NDUFAF6: variants seen among roughly 807,000 people sequenced by gnomAD.
The protein encoded by NDUFAF6 is NADH dehydrogenase (ubiquinone) complex I, assembly factor 6.
Under a neutral mutation model 40.8 loss-of-function variants are expected in NDUFAF6, and 45 were observed. The observed-to-expected ratio is 1.10, with a 90% CI of 0.87 to 1.42. The LOEUF (loss-of-function observed/expected upper bound fraction) is 1.42, where lower values mean the gene tolerates loss of function less well. Among genes scored for constraint, NDUFAF6 ranks in the 40% most tolerant of loss-of-function variants. The pLI, the probability that NDUFAF6 is intolerant of heterozygous loss-of-function variation, is 0.00. For missense variants in NDUFAF6, 435 were observed against 418.5 expected, an observed-to-expected ratio of 1.04 and a Z score of -0.34; for synonymous variants, 185 against 155.9, an observed-to-expected ratio of 1.19 and a Z score of -1.39.
downstream of NDUFAF6, among the ~76,000 whole-genome samples, chr8:95,079,828 C>A (rs1369680908): frequency 2.0e-5 from 3 of 151,698 alleles, no homozygotes; most frequent in Admixed American, 2.0e-4. Flanking sequence ...GATCCTCCCA[C>A]CTCAGCTTTC....
At position 95,047,126 on chromosome 8, in the gene NDUFAF6, T is replaced by C. The variant is rs764875527; in HGVS notation, c.713T>C (p.Leu238Pro). The change falls in exon 6 of 9, where the codon CTG (leucine) becomes CCG (proline). Residue 238 changes from leucine (L) to proline (P), a missense_variant and splice_region_variant. Transcript: ENST00000396124. Reference sequence around the variant, plus strand: ...TTCCTTCCCATGGATATTTGTATGCTGGTAAGGCTGTAATTTGTACCTTTG... The same window carrying C: ...TTCCTTCCCATGGATATTTGTATGCCGGTAAGGCTGTAATTTGTACCTTTG... ...KVFLPMDICM[L>P]HGVSQEDFLR... 6.2e-7 allele frequency: 1 copy of C among 1,614,204 alleles called. No homozygotes were observed. The highest frequency in any genetic ancestry group is 1.7e-5 in the Admixed American group (1 of 60,034).
intron 1 of NDUFAF6, among the ~76,000 whole-genome samples, chr8:94,977,629 A>G (rs1825081038): frequency 6.6e-6 from 1 of 151,046 alleles, no homozygotes; most frequent in Non-Finnish European, 1.5e-5. Context: ...TCCTTGTGCC[A>G]GATGTTTTGC....
At chr8:95,048,100 G>A (rs1831016650) in intron 6 of NDUFAF6, among the ~76,000 whole-genome samples, 2 of 152,038 alleles carry the variant, frequency 1.3e-5, no homozygotes, top group Non-Finnish European at 2.9e-5. Context: ...AGGCCAAGGT[G>A]GGAGGATCCC....
At chr8:94,942,669 G>GT (rs1821658587) in intron 1 of NDUFAF6, among the ~76,000 whole-genome samples, 2 of 152,234 alleles carry the variant, frequency 1.3e-5, no homozygotes, top group Admixed American at 6.5e-5. Flanking sequence ...CCTCCCACAA[G>GT]TTTAACAATC....
At chr8:95,024,927 C>G (rs955730132), upstream of NDUFAF6, 3 of 1,178,514 alleles carry the variant, frequency 2.5e-6, no homozygotes, top group East Asian at 3.2e-5. Context: ...CTCAAAGGAG[C>G]ATAGGGGAAC....
intron 1 of NDUFAF6, chr8:94,940,956 T>G: frequency 6.3e-7 from 1 of 1,598,148 alleles, no homozygotes. Context: ...AAGGCAAGAC[T>G]GAGAGTTTGG....
At chr8:95,076,676 C>T (rs1336765735), downstream of NDUFAF6, among the ~76,000 whole-genome samples, 6 of 152,106 alleles carry the variant, frequency 3.9e-5, no homozygotes, top group African/African-American at 1.2e-4. Context: ...GAGTTCGAGA[C>T]CAGACTGACC....
chr8:94,993,557 G>A (rs1053936034), intron 2 of NDUFAF6, among the ~76,000 whole-genome samples: 2 of 152,174 alleles, frequency 1.3e-5, no homozygotes, highest in Admixed American at 1.3e-4. Flanking sequence ...CACCATATAG[G>A]GATGGATGTT....
chr8:95,095,665 C>CT (rs11352275), upstream of NDUFAF6, among the ~76,000 whole-genome samples: 333 of 146,866 alleles, frequency 2.3e-3, 3 homozygotes, highest in African/African-American at 7.4e-3. Flanking sequence ...GATCATTTCG[C>CT]TTTTTTTTTT....
At chr8:95,086,947 C>G (rs1310919619) in intron 2 of NDUFAF6, among the ~76,000 whole-genome samples, 1 of 152,134 alleles carries the variant, frequency 6.6e-6, no homozygotes, top group Non-Finnish European at 1.5e-5. Context: ...ATCAGGTCAA[C>G]ACATCCTAGA....
intron 1 of NDUFAF6, among the ~76,000 whole-genome samples, chr8:94,940,393 A>T (rs2904893): frequency 6.6e-6 from 1 of 151,916 alleles, no homozygotes; most frequent in African/African-American, 2.4e-5. Context: ...AGTTCAGAAA[A>T]CCATTTATAT....
intron 1 of NDUFAF6, among the ~76,000 whole-genome samples, chr8:94,961,560 T>C (rs1344329209): frequency 6.6e-6 from 1 of 152,218 alleles, no homozygotes; most frequent in African/African-American, 2.4e-5. Context: ...TAGCTAGGAC[T>C]ACAGGCGCGT....
At position 95,057,921 on chromosome 8, in the gene NDUFAF6, G is replaced by A; in HGVS notation, c.986G>A (p.Trp329Ter). 1.3e-6 allele frequency: 2 copies of A among 1,539,006 alleles called. No individual in the cohort carries two copies. The highest frequency in any genetic ancestry group is 9.0e-7 in the Non-Finnish European group (1 of 1,112,642). Residue 329 changes from tryptophan (W) to a stop codon, truncating the protein, a stop_gained, in exon 9 of 9, where the codon TGG (tryptophan) becomes TAG (stop). Coordinates refer to ENST00000396124, the MANE Select transcript of NDUFAF6 (RefSeq NM_152416.4). LOFTEE classifies it high-confidence loss of function. ...CCATTATATTTGTATATTCAGTCAT[G>A]GAGAAAAACATATTAAAATAATTTC... The part of the protein sequence containing the change: ...LLPLYLYIQS[W>*]RKTY
intron 2 of NDUFAF6, among the ~76,000 whole-genome samples, chr8:95,093,193 C>T (rs1465479459): frequency 6.6e-6 from 1 of 152,080 alleles, no homozygotes; most frequent in Admixed American, 6.6e-5. Flanking sequence ...GCATTCTGAC[C>T]CACCACTCAT....
chr8:95,035,242 CTT>C lies in NDUFAF6; in HGVS notation c.298-211_298-210del, dbSNP rs145356418. ...CTAATAATCTTCTTTTTAAAAATTACTTAAAGAATGAATGAATGAATTTATTT... is the reference window on the plus strand; with the variant it reads ...CTAATAATCTTCTTTTTAAAAATTACAAAGAATGAATGAATGAATTTATTT... On this transcript the variant is annotated intron_variant, in intron 2 of 8. Transcript: ENST00000396124. Among the ~76,000 whole-genome samples the C allele has an allele frequency of 0.12, 18,589 of 152,078 alleles. 1,203 individuals are homozygous for C. Among genetic ancestry groups the C allele is most frequent in the Middle Eastern group, 0.23 (68 of 294 alleles).
chr8:94,980,326 C>T (rs1158454677), intron 1 of NDUFAF6, among the ~76,000 whole-genome samples: 3 of 150,918 alleles, frequency 2.0e-5, no homozygotes, highest in African/African-American at 7.3e-5. Flanking sequence ...TCATAAGAAA[C>T]AGTTTGTGGG....
At chr8:95,096,636 T>G (rs1809472834), upstream of NDUFAF6, among the ~76,000 whole-genome samples, 1 of 152,248 alleles carries the variant, frequency 6.6e-6, no homozygotes, top group African/African-American at 2.4e-5. Flanking sequence ...TAGAGGAGAC[T>G]GAATTCATTC....
upstream of NDUFAF6, among the ~76,000 whole-genome samples, chr8:95,098,268 C>G (rs1322835098): frequency 6.6e-6 from 1 of 152,222 alleles, no homozygotes; most frequent in Non-Finnish European, 1.5e-5. Flanking sequence ...GCTGGTGGCT[C>G]ACGCCTGTAA....
At chr8:94,966,250 C>A (rs915972114) in intron 1 of NDUFAF6, among the ~76,000 whole-genome samples, 1 of 152,112 alleles carries the variant, frequency 6.6e-6, no homozygotes, top group African/African-American at 2.4e-5. Flanking sequence ...CTGGGGACTT[C>A]ACATGTAAGG....
Sources: gnomAD v4.1 joint callset for allele counts (sites outside exome capture counted in the v4.1 genomes callset) on GRCh38, gnomAD v4.1.1 for gene constraint, MANE v1.5 for transcripts, NCBI Gene and HGNC (gene_info 2026-07-23, HGNC 2026-07-21) for gene names.